The following PDSS1 variants were observed in gnomAD, a reference collection of about 807,000 sequenced individuals.
The protein encoded by PDSS1 is all trans-polyprenyl-diphosphate synthase PDSS1.
PDSS1 carries 43 observed loss-of-function variants against 57.5 expected under a neutral mutation model. The observed-to-expected ratio is 0.75, with a 90% CI of 0.59 to 0.96. PDSS1 has a LOEUF of 0.96. Ranked by LOEUF, PDSS1 falls within the 50% of genes least tolerant of loss-of-function variation. PDSS1 has a pLI of 0.00. For missense variants in PDSS1, 438 were observed against 527.8 expected (o/e 0.83, Z 1.67); for synonymous variants, 175 against 191.3 (o/e 0.91, Z 0.70).
chr10:26,705,111 T>C (rs1284908759), intron 3 of PDSS1, among the ~76,000 whole-genome samples, 175 bp from the exon 4 acceptor site: 1 of 152,252 alleles, frequency 6.6e-6, no homozygotes, highest in East Asian at 1.9e-4. Flanking sequence ...TATTGATCTG[T>C]CATTTAGCAA....
chr10:26,735,042 A>G (rs1588702591), intron 8 of PDSS1, among the ~76,000 whole-genome samples, 198 bp from the exon 9 acceptor site: 2 of 152,242 alleles, frequency 1.3e-5, no homozygotes, highest in East Asian at 1.9e-4. Flanking sequence ...TTAGAATTTA[A>G]CAACACAATC....
intron 10 of PDSS1, among the ~76,000 whole-genome samples, chr10:26,739,451 T>C (rs1203564070): frequency 6.6e-6 from 1 of 152,206 alleles, no homozygotes; most frequent in Admixed American, 6.5e-5. Flanking sequence ...ATATTAAAAT[T>C]GCACACATGA....
chr10:26,742,463 AGATTT>A, intron 10 of PDSS1, 29 bp from the exon 11 acceptor site: 1 of 1,451,940 alleles, frequency 6.9e-7, no homozygotes, highest in Non-Finnish European at 9.7e-7. Flanking sequence ...AGAAATAAAT[AGATTT>A]TCTCAGATTT....
chr10:26,721,030 G>A lies in PDSS1; in HGVS notation c.609+671G>A, dbSNP rs532412734. Among the ~76,000 whole-genome samples, 13 of 152,258 alleles carry A rather than the reference G, an allele frequency of 8.5e-5. No individual in the cohort carries two copies. In the South Asian group the frequency reaches 2.1e-3, roughly 24 times the overall value. On this transcript the variant is annotated intron_variant, in intron 6 of 11. Coordinates refer to ENST00000376215, the MANE Select transcript of PDSS1 (RefSeq NM_014317.5). ...CAAACAAAAAGTTTGTGCAGGCCAG[G>A]CGCAGTGGCTCATGCCTGTAATCCC...
chr10:26,708,453 T>A (rs1835314072), intron 4 of PDSS1, among the ~76,000 whole-genome samples: 1 of 152,222 alleles, frequency 6.6e-6, no homozygotes, highest in African/African-American at 2.4e-5. Flanking sequence ...CACTGATCTC[T>A]TCCTTCCCTG....
chr10:26,728,691 C>A (rs1362555783), intron 8 of PDSS1, among the ~76,000 whole-genome samples: 3 of 150,436 alleles, frequency 2.0e-5, no homozygotes, highest in African/African-American at 7.3e-5. Flanking sequence ...TTATTTCATT[C>A]TCAAAAGAGC....
chr10:26,728,490 C>CA lies in PDSS1; in HGVS notation c.831+4377dup, dbSNP rs1182551497. ...GGGCAACAAGAGTGAAACTCCATCTCAAAAAAAAAAGATACTGTCTGCCAG... is the reference window on the plus strand; with the variant it reads ...GGGCAACAAGAGTGAAACTCCATCTCAAAAAAAAAAAGATACTGTCTGCCAG... On this transcript the variant is annotated intron_variant, in intron 8 of 11. Coordinates refer to ENST00000376215, the MANE Select transcript of PDSS1 (RefSeq NM_014317.5). Among the ~76,000 whole-genome samples, 263 of 145,374 alleles carry CA rather than the reference C, an allele frequency of 1.8e-3. 4 individuals are homozygous for CA. Among genetic ancestry groups the CA allele is most frequent in the African/African-American group, 6.1e-3 (243 of 39,632 alleles).
chr10:26,736,912 C>T (rs555671312), intron 10 of PDSS1, among the ~76,000 whole-genome samples: 1 of 152,092 alleles, frequency 6.6e-6, no homozygotes, highest in Admixed American at 6.5e-5. Flanking sequence ...TACATTAAGG[C>T]AAGAGTGAGG....
intron 11 of PDSS1, among the ~76,000 whole-genome samples, chr10:26,744,819 A>G (rs1346963007): frequency 6.6e-6 from 1 of 152,234 alleles, no homozygotes; most frequent in African/African-American, 2.4e-5. Context: ...AGCAACTGGT[A>G]TAGAAAATCA....
At chr10:26,717,418 G>A (rs1835623354) in intron 5 of PDSS1, among the ~76,000 whole-genome samples, 1 of 152,172 alleles carries the variant, frequency 6.6e-6, no homozygotes, top group Non-Finnish European at 1.5e-5. Flanking sequence ...TTTTAGTGGA[G>A]ACGTGGTTTC....
intron 6 of PDSS1, 73 bp from the exon 7 acceptor site, chr10:26,723,733 T>G (rs983732795): frequency 9.9e-7 from 1 of 1,011,794 alleles, no homozygotes; most frequent in Non-Finnish European, 1.6e-6. Context: ...TCCCTTCCAG[T>G]CAGTTTCATC....
At chr10:26,715,274 CA>C (rs1835525745) in intron 5 of PDSS1, 1 of 152,150 alleles carries the variant, frequency 6.6e-6, no homozygotes, top group East Asian at 1.9e-4. Context: ...TGCATGAGTG[CA>C]AGGTCAAGCA....
chr10:26,734,764 G>T, intron 8 of PDSS1: 1 of 456,382 alleles, frequency 2.2e-6, no homozygotes, highest in South Asian at 1.5e-5. Flanking sequence ...GACTACAGAT[G>T]GGAAAATTGT....
chr10:26,735,611 C>A, intron 10 of PDSS1, 32 bp downstream of exon 10: 1 of 1,181,440 alleles, frequency 8.5e-7, no homozygotes, highest in Non-Finnish European at 1.3e-6. Flanking sequence ...TGACACATCA[C>A]TGCATAGCCC....
At chr10:26,705,511 T>C in intron 4 of PDSS1, 117 bp downstream of exon 4, 1 of 423,570 alleles carries the variant, frequency 2.4e-6, no homozygotes, top group Non-Finnish European at 4.2e-6. Flanking sequence ...TCTCACTCTG[T>C]TGCCCAGGCT....
intron 1 of PDSS1, among the ~76,000 whole-genome samples, chr10:26,698,284 G>A (rs919297746): frequency 1.4e-4 from 21 of 152,188 alleles, no homozygotes; most frequent in Admixed American, 1.2e-3. Context: ...AGAAACGGAG[G>A]ATCGAATCGG....
chr10:26,741,000 C>CT (rs1368916374), intron 10 of PDSS1, among the ~76,000 whole-genome samples: 12 of 150,078 alleles, frequency 8.0e-5, no homozygotes, highest in Non-Finnish European at 1.6e-4. Flanking sequence ...TAATTCAGGT[C>CT]TTTTTTATAA....
chr10:26,720,718 A>G (rs1835753921), intron 6 of PDSS1, among the ~76,000 whole-genome samples: 1 of 152,220 alleles, frequency 6.6e-6, no homozygotes, highest in Admixed American at 6.5e-5. Context: ...AGTGCTGCAT[A>G]TAAATGCCAA....
Position 26,724,051 on chromosome 10 carries a change from T to C in PDSS1, c.759T>C (p.Asn253=), listed in dbSNP as rs1476571263. The change falls in exon 8 of 12, where the codon AAT becomes AAC. Residue 253 remains asparagine (N), a synonymous_variant. Coordinates refer to ENST00000376215, the MANE Select transcript of PDSS1 (RefSeq NM_014317.5). ...AGCTCGGGTCAAAAGAAAATGAGAA[T>C]GAAAGATTTGCACACTACCTTGAGA... The part of the protein sequence containing the change: ...FLQLGSKENE[N]ERFAHYLEKT... 1 of 1,613,992 alleles carries C rather than the reference T, an allele frequency of 6.2e-7. No homozygotes were observed.
Sources: gnomAD v4.1 joint callset for allele counts (sites outside exome capture counted in the v4.1 genomes callset) on GRCh38, gnomAD v4.1.1 for gene constraint, MANE v1.5 for transcripts, NCBI Gene and HGNC (gene_info 2026-07-23, HGNC 2026-07-21) for gene names.